Variants in LAMA4 observed in about 807,000 individuals in gnomAD.
LAMA4 encodes laminin subunit alpha 4, also known as laminin subunit alpha-4.
In LAMA4, 127 loss-of-function variants were observed where a neutral mutation model predicts 207.1. That is an observed-to-expected ratio of 0.61 (90% confidence interval 0.53 to 0.71). LAMA4 has a LOEUF of 0.71. LAMA4 is among the 30% of genes least tolerant of loss of function. The pLI is 0.00. For missense variants in LAMA4, 2,093 were observed against 2,246.5 expected, an observed-to-expected ratio of 0.93 and a Z score of 1.38; for synonymous variants, 761 against 816.0, an observed-to-expected ratio of 0.93 and a Z score of 1.15.
In LAMA4 at chr6:112,129,935, T is replaced by C. The variant is rs1554329045; in HGVS notation, c.4074A>G (p.Ser1358=). 1 of 1,613,074 alleles carries C rather than the reference T, an allele frequency of 6.2e-7. No homozygotes were observed. The highest frequency in any genetic ancestry group is 1.7e-5 in the Admixed American group (1 of 59,860). The change falls in exon 30 of 39, where the codon TCA becomes TCG. Residue 1358 remains serine, a synonymous_variant. Transcript: ENST00000230538. ...ASEKKFYFGG[S]PISAQYANFT... is the part of the protein sequence containing the mutation. ...AATTAGCATACTGAGCACTGATTGG[T>C]GAGCCACCGAAGTAAAACTTCTTTT...
chr6:112,201,216 T>C (rs1040452349), intron 5 of LAMA4, among the ~76,000 whole-genome samples: 3 of 152,124 alleles, frequency 2.0e-5, no homozygotes. Flanking sequence ...TGACAAAAGG[T>C]GATTCACATT....
At chr6:112,162,116 A>T (rs1781088976) in intron 13 of LAMA4, 1 of 152,264 alleles carries the variant, frequency 6.6e-6, no homozygotes, top group Non-Finnish European at 1.5e-5. Flanking sequence ...TGGCAATTTA[A>T]ACTGTAGATG....
Position 112,199,233 on chromosome 6 carries a change from C to A in LAMA4, c.503+2375G>T, listed in dbSNP as rs915925109. Among the ~76,000 whole-genome samples, 6 of 152,284 alleles carry A rather than the reference C, an allele frequency of 3.9e-5. No individual in the cohort carries two copies. The South Asian group carries it at 6.2e-4, about 16-fold the overall frequency. On this transcript the variant is annotated intron_variant, in intron 5 of 38. Transcript: ENST00000230538. ...TGGGATGACAGAACCCTTCTCTGCACCCCTGTGTGATTTTACAGGACTGTG... is the reference window on the plus strand; with the variant it reads ...TGGGATGACAGAACCCTTCTCTGCAACCCTGTGTGATTTTACAGGACTGTG...
rs1309469746 is a variant in LAMA4, at chr6:112,142,186, G to A, written c.2600C>T (p.Pro867Leu). The change falls in exon 20 of 39, where the codon CCC becomes CTC. Residue 867 changes from proline (P) to leucine (L), a missense_variant. By Grantham distance (98) the Pro-to-Leu change is moderately conservative. Coordinates refer to ENST00000230538, the MANE Select transcript of LAMA4 (RefSeq NM_001105206.3). Reference sequence around the variant, plus strand: ...GGTCAGTTCCGGCCGCTTCACAGGGGGTTTCATGTACAGGCTCAGAGACGT... The same window carrying A: ...GGTCAGTTCCGGCCGCTTCACAGGGAGTTTCATGTACAGGCTCAGAGACGT... ...AFTSLSLYMK[P>L]PVKRPELTET... 6.2e-7 allele frequency: 1 copy of A among 1,614,020 alleles called. No individual in the cohort carries two copies. Among genetic ancestry groups the A allele is most frequent in the Admixed American group, 1.7e-5 (1 of 60,002 alleles).
chr6:112,247,620 C>G (rs1285395599), intron 2 of LAMA4, among the ~76,000 whole-genome samples: 1 of 152,212 alleles, frequency 6.6e-6, no homozygotes, highest in Admixed American at 6.5e-5. Flanking sequence ...CCACCACTCA[C>G]AGGATGCGTT....
intron 3 of LAMA4, among the ~76,000 whole-genome samples, chr6:112,214,230 A>G (rs1326372701): frequency 6.6e-6 from 1 of 152,038 alleles, no homozygotes; most frequent in East Asian, 1.9e-4. Context: ...AAATATAAAT[A>G]TATCTTTTTT....
At chr6:112,215,045 G>T (rs898422233) in intron 3 of LAMA4, among the ~76,000 whole-genome samples, 1 of 152,218 alleles carries the variant, frequency 6.6e-6, no homozygotes, top group Non-Finnish European at 1.5e-5. Flanking sequence ...ACCTTTAATT[G>T]GTCAAATTAT....
At chr6:112,140,736 T>A (rs1554332922) in intron 22 of LAMA4, 24 bp downstream of exon 22, 1 of 1,609,868 alleles carries the variant, frequency 6.2e-7, no homozygotes, top group African/African-American at 1.3e-5. Context: ...TTGTAATAGG[T>A]CAAAATATAG....
intron 14 of LAMA4, among the ~76,000 whole-genome samples, chr6:112,156,136 T>C (rs9320397): frequency 0.017 from 2,579 of 152,212 alleles, 82 homozygotes; most frequent in African/African-American, 0.059. Flanking sequence ...GCACGTATTG[T>C]CAAGGTTTGT....
chr6:112,197,637 A>C (rs1223180555), intron 5 of LAMA4, among the ~76,000 whole-genome samples: 1 of 152,220 alleles, frequency 6.6e-6, no homozygotes, highest in Non-Finnish European at 1.5e-5. Context: ...TCAGATTCAC[A>C]TTAATTCAAT....
chr6:112,155,296 T>C, intron 15 of LAMA4: 4 of 567,232 alleles, frequency 7.1e-6, no homozygotes, highest in Non-Finnish European at 1.2e-5. Flanking sequence ...AGAACTAATT[T>C]TAAATACATA....
chr6:112,175,962 C>A (rs1481510078), intron 10 of LAMA4, among the ~76,000 whole-genome samples: 3 of 152,154 alleles, frequency 2.0e-5, no homozygotes, highest in Non-Finnish European at 4.4e-5. Context: ...GTATTTTAGA[C>A]AAAGATTTGA....
At position 112,129,971 on chromosome 6, in the gene LAMA4, T is replaced by C. The variant is rs782107729; in HGVS notation, c.4038A>G (p.Thr1346=). 1 of 1,613,352 alleles carries C rather than the reference T, an allele frequency of 6.2e-7. No homozygotes were observed. The highest frequency in any genetic ancestry group is 8.5e-7 in the Non-Finnish European group (1 of 1,179,478). ...AGTAAAACTTCTTTTCACTTGCTTG[T>C]GTCTGTTCTATTTTCCCTTTGGTAG... ...KNPTKGKIEQ[T]QASEKKFYFG... is the part of the protein sequence containing the mutation. The change falls in exon 30 of 39, where the codon ACA becomes ACG. Residue 1346 remains threonine, a synonymous_variant. Coordinates refer to ENST00000230538, the MANE Select transcript of LAMA4 (RefSeq NM_001105206.3).
In LAMA4 at chr6:112,217,813, C is replaced by G. The variant is rs145556555; in HGVS notation, c.196-1344G>C. 1.6e-4 allele frequency: 24 copies of G among 152,264 alleles called. No homozygotes were observed. In the East Asian group the frequency reaches 4.2e-3, roughly 27 times the overall value. 9.4% of individuals were successfully genotyped at this position (152,264 alleles called of 1,614,324 possible). A position where few individuals can be genotyped will look rare whatever the true frequency, so the allele number is the denominator to read the frequency against. On this transcript the variant is annotated intron_variant, in intron 2 of 38. Transcript: ENST00000230538. ...ATGGAGAGTTGTGGTTGATGGTAAG[C>G]TTCTTAGTTTCCACTAGAAAACAAG...
At chr6:112,150,157 A>G (rs1037208509) in intron 17 of LAMA4, among the ~76,000 whole-genome samples, 1 of 151,892 alleles carries the variant, frequency 6.6e-6, no homozygotes, top group Non-Finnish European at 1.5e-5. Context: ...GATGTTCATA[A>G]GAAAGCCATT....
In LAMA4 at chr6:112,114,183, G is replaced by A. The variant is rs1554322480; in HGVS notation, c.5219C>T (p.Ser1740Phe). The A allele has an allele frequency of 1.2e-6, 2 of 1,613,876 alleles. No homozygotes were observed. Among genetic ancestry groups the A allele is most frequent in the Admixed American group, 3.3e-5 (2 of 59,986 alleles). The stretch of plus-strand genomic sequence containing the variant: ...GTCCACATCCAACTGAACCACATTA[G>A]AATCTCTAATAACTGAAATGCAGGG... ...RWHRITVIRD[S>F]NVVQLDVDSE... is the part of the protein sequence containing the mutation. The change falls in exon 38 of 39, where the codon TCT becomes TTT. Residue 1740 changes from serine (S) to phenylalanine (F), a missense_variant. Coordinates refer to ENST00000230538, the MANE Select transcript of LAMA4 (RefSeq NM_001105206.3).
intron 3 of LAMA4, among the ~76,000 whole-genome samples, chr6:112,212,086 G>A (rs1263685475): frequency 1.3e-5 from 2 of 152,080 alleles, no homozygotes; most frequent in Non-Finnish European, 2.9e-5. Context: ...TAAAAAAGGA[G>A]GTCGATGGAG....
intron 2 of LAMA4, among the ~76,000 whole-genome samples, chr6:112,228,511 G>A (rs1785358168): frequency 6.6e-6 from 1 of 152,114 alleles, no homozygotes; most frequent in African/African-American, 2.4e-5. Context: ...AGAAAGAAGA[G>A]AATTAGAGTT....
At chr6:112,192,319 A>T (rs1323338235) in intron 5 of LAMA4, among the ~76,000 whole-genome samples, 1 of 152,238 alleles carries the variant, frequency 6.6e-6, no homozygotes, top group Admixed American at 6.5e-5. Context: ...AGTGCCTGCT[A>T]TTCTCCTGGC....
Sources: allele counts gnomAD v4.1 joint callset (sites outside exome capture counted in the v4.1 genomes callset), GRCh38; gene constraint gnomAD v4.1.1; transcripts MANE v1.5; gene names NCBI Gene and HGNC (gene_info 2026-07-23, HGNC 2026-07-21).